Variants in EFCAB5 observed in about 807,000 individuals in gnomAD.
The protein encoded by EFCAB5 is EF-hand calcium binding domain 5, also known as EF-hand calcium-binding domain-containing protein 5.
A neutral mutation model predicts 167.9 loss-of-function variants in EFCAB5; 131 were observed. That is an observed-to-expected ratio of 0.78 (90% CI 0.68 to 0.90). The LOEUF (loss-of-function observed/expected upper bound fraction) is 0.90, where lower values mean the gene tolerates loss of function less well. Ranked by LOEUF, EFCAB5 falls within the 40% of genes least tolerant of loss-of-function variation. The pLI, the probability that EFCAB5 is intolerant of heterozygous loss-of-function variation, is 0.00. For missense variants in EFCAB5, 1,663 were observed against 1,745.2 expected, an observed-to-expected ratio of 0.95 and a Z score of 0.84; for synonymous variants, 574 against 602.8, an observed-to-expected ratio of 0.95 and a Z score of 0.70.
chr17:29,985,918 C>T (rs529599939), intron 4 of EFCAB5, among the ~76,000 whole-genome samples: 22 of 152,208 alleles, frequency 1.4e-4, no homozygotes, highest in African/African-American at 3.4e-4. Flanking sequence ...TTTTGCAAGA[C>T]GATAAAAGCA....
At chr17:30,036,339 A>G (rs1279768889) in intron 8 of EFCAB5, among the ~76,000 whole-genome samples, 8 of 133,932 alleles carry the variant, frequency 6.0e-5, no homozygotes, top group Admixed American at 1.7e-4. Flanking sequence ...ATATAATTAT[A>G]TATAATACAC....
intron 15 of EFCAB5, among the ~76,000 whole-genome samples, chr17:30,079,553 C>G (rs2070940274): frequency 6.6e-6 from 1 of 152,116 alleles, no homozygotes; most frequent in South Asian, 2.1e-4. Flanking sequence ...TGCAGAAAGT[C>G]TGCAATCTTG....
intron 7 of EFCAB5, among the ~76,000 whole-genome samples, chr17:30,004,448 T>C (rs6505152): frequency 0.62 from 94,472 of 152,060 alleles, 31,609 homozygotes; most frequent in African/African-American, 0.88. Context: ...TCTGATTTCT[T>C]TAAAGGTTAG....
chr17:29,995,140 G>A (rs1337927426), intron 5 of EFCAB5, among the ~76,000 whole-genome samples: 1 of 152,184 alleles, frequency 6.6e-6, no homozygotes, highest in Non-Finnish European at 1.5e-5. Context: ...AGCCTCCTGA[G>A]TAGCTGGGAC....
At chr17:29,988,064 T>C (rs1427332674) in intron 4 of EFCAB5, among the ~76,000 whole-genome samples, 2 of 152,262 alleles carry the variant, frequency 1.3e-5, no homozygotes, top group Non-Finnish European at 2.9e-5. Flanking sequence ...CTTTAGCTTC[T>C]TTCCAGGTAA....
At chr17:29,959,012 T>C (rs919412095) in intron 3 of EFCAB5, among the ~76,000 whole-genome samples, 27 of 152,158 alleles carry the variant, frequency 1.8e-4, no homozygotes, top group Admixed American at 2.6e-4. Context: ...TCTGTCTCTC[T>C]CTCTGTGCTG....
chr17:29,930,190 G>A, intron 1 of EFCAB5: 2 of 576,700 alleles, frequency 3.5e-6, no homozygotes, highest in Non-Finnish European at 6.0e-6. Context: ...CGCTCCGAAC[G>A]GGCGGCGGGC....
chr17:29,978,133 C>T (rs577842124), intron 4 of EFCAB5, among the ~76,000 whole-genome samples: 1 of 152,224 alleles, frequency 6.6e-6, no homozygotes, highest in African/African-American at 2.4e-5. Flanking sequence ...TATTCTACAC[C>T]AGCTGCCACC....
intron 3 of EFCAB5, among the ~76,000 whole-genome samples, chr17:29,959,763 T>C (rs779213616): frequency 3.9e-5 from 6 of 152,156 alleles, no homozygotes; most frequent in Non-Finnish European, 7.4e-5. Context: ...AAGGAGTCTC[T>C]GCCGAAGCTA....
chr17:29,956,280 T>C (rs2067613347), intron 3 of EFCAB5, among the ~76,000 whole-genome samples: 1 of 152,220 alleles, frequency 6.6e-6, no homozygotes, highest in South Asian at 2.1e-4. Context: ...GAACAGAGTG[T>C]AATTGAACAA....
intron 1 of EFCAB5, among the ~76,000 whole-genome samples, chr17:29,933,976 G>T (rs2067224225): frequency 6.6e-6 from 1 of 152,110 alleles, no homozygotes; most frequent in African/African-American, 2.4e-5. Flanking sequence ...GAAAAAAATT[G>T]TTTCTTTATA....
At chr17:29,992,533 A>C (rs745800081) in intron 4 of EFCAB5, among the ~76,000 whole-genome samples, 1 of 152,138 alleles carries the variant, frequency 6.6e-6, no homozygotes, top group Admixed American at 6.6e-5. Flanking sequence ...TTTTTAGTAG[A>C]GACAGGGTTT....
At chr17:30,027,901 C>G (rs896334768) in intron 7 of EFCAB5, among the ~76,000 whole-genome samples, 1 of 152,160 alleles carries the variant, frequency 6.6e-6, no homozygotes, top group South Asian at 2.1e-4. Context: ...AAGCAAAGGT[C>G]AGTTTCCCAG....
intron 3 of EFCAB5, among the ~76,000 whole-genome samples, chr17:29,956,008 G>T (rs1300847183): frequency 1.3e-5 from 2 of 152,028 alleles, no homozygotes; most frequent in Non-Finnish European, 2.9e-5. Flanking sequence ...CAGAAATAAG[G>T]CCACACACCT....
chr17:30,042,973 G>C (rs1456750237), intron 8 of EFCAB5, among the ~76,000 whole-genome samples: 3 of 152,092 alleles, frequency 2.0e-5, no homozygotes, highest in Admixed American at 1.3e-4. Flanking sequence ...AGGGATACAA[G>C]GGTGGTTTAA....
At chr17:29,959,997 C>G (rs1395643650) in intron 3 of EFCAB5, among the ~76,000 whole-genome samples, 1 of 152,200 alleles carries the variant, frequency 6.6e-6, no homozygotes, top group East Asian at 1.9e-4. Flanking sequence ...AGCTGGAACT[C>G]AGGTACTGAC....
At chr17:29,933,902 T>G (rs747730637) in intron 1 of EFCAB5, among the ~76,000 whole-genome samples, 19 of 152,122 alleles carry the variant, frequency 1.2e-4, no homozygotes, top group Non-Finnish European at 2.5e-4. Context: ...AGAAATAGTA[T>G]TTGTACAGCA....
intron 7 of EFCAB5, among the ~76,000 whole-genome samples, chr17:30,032,204 A>G (rs1345410840): frequency 6.6e-6 from 1 of 152,146 alleles, no homozygotes; most frequent in Non-Finnish European, 1.5e-5. Flanking sequence ...TGAATATGAA[A>G]TGTGCACAAT....
chr17:30,083,885 C>T (rs1391363592), intron 18 of EFCAB5, among the ~76,000 whole-genome samples: 4 of 152,218 alleles, frequency 2.6e-5, no homozygotes, highest in African/African-American at 9.7e-5. Flanking sequence ...TTTGGAAGGA[C>T]TCAGTTATAT....
Sources: allele counts gnomAD v4.1 joint callset (sites outside exome capture counted in the v4.1 genomes callset), GRCh38; gene constraint gnomAD v4.1.1; transcripts MANE v1.5; gene names NCBI Gene and HGNC (gene_info 2026-07-23, HGNC 2026-07-21).